The following RSF1 variants were observed in gnomAD, a reference collection of about 807,000 sequenced individuals.
The protein encoded by RSF1 is HBV pX-associated protein 8.
RSF1 carries 13 observed loss-of-function variants against 145.2 expected under a neutral mutation model. The observed-to-expected ratio is 0.09, with a 90% CI of 0.06 to 0.14. The LOEUF (loss-of-function observed/expected upper bound fraction) is 0.14. Among genes scored for constraint, RSF1 ranks in the 10% least tolerant of loss-of-function variants. The probability of loss-of-function intolerance (pLI) is 1.00; values close to 1 mark genes in which losing one functional copy is unlikely to be tolerated. For synonymous variants in RSF1, 577 were observed against 592.6 expected (o/e 0.97, Z 0.38); for missense variants, 1,517 against 1,718.2 (o/e 0.88, Z 2.07).
intron 5 of RSF1, among the ~76,000 whole-genome samples, chr11:77,722,986 C>G (rs189164214): frequency 3.4e-4 from 52 of 152,298 alleles, no homozygotes; most frequent in African/African-American, 1.2e-3. Context: ...ATTATTCTGA[C>G]CTTGGTTTCC....
At chr11:77,867,703 AAACTCT>A in the RSF1 span, among the ~76,000 whole-genome samples, 9 of 152,216 alleles carry the variant, frequency 5.9e-5, no homozygotes, top group Non-Finnish European at 1.3e-4. Flanking sequence ...GGTAGTTCCC[AAACTCT>A]AACTCCCATA....
the RSF1 span, chr11:77,841,035 G>A: frequency 3.4e-6 from 2 of 582,100 alleles, no homozygotes; most frequent in South Asian, 2.3e-5. Context: ...AGGCTGGGAA[G>A]TCCAAGACCA....
chr11:77,830,594 A>T, the RSF1 span, among the ~76,000 whole-genome samples: 1 of 150,438 alleles, frequency 6.6e-6, no homozygotes, highest in Non-Finnish European at 1.5e-5. Context: ...CTTCTTCCAA[A>T]TATACTCTTT....
chr11:77,795,423 A>T (rs141484919), intron 1 of RSF1, among the ~76,000 whole-genome samples: 1 of 152,328 alleles, frequency 6.6e-6, no homozygotes, highest in East Asian at 1.9e-4. Context: ...AAACAGAGAG[A>T]CAGCTGTCAA....
intron 9 of RSF1, among the ~76,000 whole-genome samples, chr11:77,689,866 T>C (rs1032509788): frequency 2.0e-5 from 3 of 152,156 alleles, no homozygotes; most frequent in African/African-American, 7.2e-5. Context: ...GAACTTCATC[T>C]AAGAACCCTT....
chr11:77,674,079 T>C (rs1216862326), intron 14 of RSF1, among the ~76,000 whole-genome samples: 1 of 152,248 alleles, frequency 6.6e-6, no homozygotes, highest in Non-Finnish European at 1.5e-5. Flanking sequence ...AATGTTAAAA[T>C]ATCTGAATTT....
At chr11:77,707,574 C>T (rs1053518492) in intron 5 of RSF1, among the ~76,000 whole-genome samples, 14 of 152,174 alleles carry the variant, frequency 9.2e-5, no homozygotes, top group African/African-American at 2.7e-4. Context: ...AATGTTCAAA[C>T]TCCACTAGTA....
At chr11:77,680,545 T>C (rs931764464) in intron 11 of RSF1, among the ~76,000 whole-genome samples, 1 of 152,006 alleles carries the variant, frequency 6.6e-6, no homozygotes, top group African/African-American at 2.4e-5. Context: ...AGCCCAGGAG[T>C]TGGGAGTCCA....
chr11:77,821,874 G>A (rs1001005006), upstream of RSF1, among the ~76,000 whole-genome samples: 1 of 152,216 alleles, frequency 6.6e-6, no homozygotes, highest in East Asian at 1.9e-4. Context: ...TCCTAGCGGG[G>A]CTACTTCATG....
At chr11:77,832,330 CT>C in the RSF1 span, among the ~76,000 whole-genome samples, 109,615 of 147,624 alleles carry the variant, frequency 0.74, 41,131 homozygotes, top group African/African-American at 0.89. Context: ...AATAGAGGAA[CT>C]TTTTTTTTTT....
At position 77,764,620 on chromosome 11, in the gene RSF1, C is replaced by T; in HGVS notation, c.257G>A (p.Arg86Lys). 6.2e-7 allele frequency: 1 copy of T among 1,602,248 alleles called. No homozygotes were observed. The highest frequency in any genetic ancestry group is 8.5e-7 in the Non-Finnish European group (1 of 1,170,480). The change falls in exon 2 of 16, where the codon AGA (arginine) becomes AAA (lysine). Residue 86 changes from arginine (R) to lysine (K), a missense_variant. Physicochemically the swap from Arg to Lys is conservative, Grantham distance 26. This residue lies in a region of RSF1 where 94 missense variants were observed against 143.6 expected (regional missense o/e 0.65). Transcript: ENST00000308488. ...TACCTTGATCAAATATTTTTCCCAT[C>T]TGTCTGCAGTAACAGATTTGCCAAT... is the stretch of plus-strand genomic sequence containing the variant. ...RKIGKSVTAD[R>K]WEKYLIKICQ...
chr11:77,811,201 G>C (rs1256982429), intron 1 of RSF1, among the ~76,000 whole-genome samples: 4 of 152,194 alleles, frequency 2.6e-5, no homozygotes, highest in Admixed American at 2.6e-4. Context: ...AGATAGAGAG[G>C]ACAGGCTGTA....
intron 5 of RSF1, among the ~76,000 whole-genome samples, chr11:77,722,301 T>A (rs1481004829): frequency 6.6e-6 from 1 of 152,206 alleles, no homozygotes; most frequent in African/African-American, 2.4e-5. Context: ...AGGTATAACA[T>A]CAGCATTCAT....
intron 4 of RSF1, among the ~76,000 whole-genome samples, chr11:77,733,740 G>A (rs1961266062): frequency 6.6e-6 from 1 of 151,864 alleles, no homozygotes; most frequent in Non-Finnish European, 1.5e-5. Context: ...TTTTGTATTT[G>A]TTGTAGAGAC....
intron 2 of RSF1, among the ~76,000 whole-genome samples, chr11:77,750,417 T>G (rs1948049646): frequency 6.6e-6 from 1 of 152,236 alleles, no homozygotes; most frequent in Non-Finnish European, 1.5e-5. Flanking sequence ...ACTTTGTTTA[T>G]GGATAATGAA....
At position 77,788,142 on chromosome 11, in the gene RSF1, C is replaced by CAAAAAA. The variant is rs66595170; in HGVS notation, c.188-23459_188-23454dup. Among the ~76,000 whole-genome samples, 13 of 3,434 alleles carry CAAAAAA rather than the reference C, an allele frequency of 3.8e-3. 3 individuals carry two copies. The highest frequency in any genetic ancestry group is 8.4e-3 in the Non-Finnish European group (9 of 1,068). 2.3% of individuals were successfully genotyped at this position (3,434 alleles called of 152,430 possible). A position where few individuals can be genotyped will look rare whatever the true frequency, so the allele number is the denominator to read the frequency against. On this transcript the variant is annotated intron_variant, in intron 1 of 15. Transcript: ENST00000308488. ...GGGCAACCAGAGTGAGACACTATCT[C>CAAAAAA]AAAAAAAAAAAAAAAAAAAAAAAAA...
the RSF1 span, among the ~76,000 whole-genome samples, chr11:77,865,653 C>T: frequency 3.3e-5 from 5 of 152,312 alleles, no homozygotes; most frequent in South Asian, 1.0e-3. Context: ...GAAAGAACAA[C>T]TAGTCATCTG....
intron 12 of RSF1, 153 bp from the exon 13 acceptor site, chr11:77,677,152 T>G: frequency 1.6e-6 from 1 of 634,356 alleles, no homozygotes; most frequent in South Asian, 2.1e-5. Context: ...TGACTTCAGC[T>G]GACAGAGGTC....
chr11:77,698,297 A>G (rs190441249), intron 7 of RSF1, among the ~76,000 whole-genome samples, 190 bp downstream of exon 7: 48 of 152,376 alleles, frequency 3.2e-4, no homozygotes, highest in South Asian at 3.1e-3. Flanking sequence ...AAGTAGAATG[A>G]AAGTAGGATC....
Sources: allele counts gnomAD v4.1 joint callset (sites outside exome capture counted in the v4.1 genomes callset), GRCh38; gene constraint gnomAD v4.1.1; regional missense constraint gnomAD v4.1.1; transcripts MANE v1.5; gene names NCBI Gene and HGNC (gene_info 2026-07-23, HGNC 2026-07-21).